ANKHD1: variants seen among roughly 807,000 people sequenced by gnomAD.
The protein encoded by ANKHD1 is ankyrin repeat and KH domain containing 1.
ANKHD1 carries 31 observed loss-of-function variants against 230.5 expected under a neutral mutation model. The ratio of observed to expected loss-of-function variants is 0.13; its 90% CI spans 0.10 to 0.18. ANKHD1 has a LOEUF of 0.18. ANKHD1 is among the 10% of genes least tolerant of loss of function. The probability of loss-of-function intolerance (pLI) is 1.00; values close to 1 mark genes in which losing one functional copy is unlikely to be tolerated. For missense variants in ANKHD1, 2,256 were observed against 3,071.3 expected, an observed-to-expected ratio of 0.73 and a Z score of 6.27; for synonymous variants, 1,074 against 1,117.6, an observed-to-expected ratio of 0.96 and a Z score of 0.78.
At chr5:140,513,329 T>C in intron 23 of ANKHD1, 34 bp from the exon 24 acceptor site, 1 of 1,569,082 alleles carries the variant, frequency 6.4e-7, no homozygotes, top group African/African-American at 1.4e-5. Context: ...GCCTCTTTCA[T>C]TATATATTTA....
intron 6 of ANKHD1, among the ~76,000 whole-genome samples, chr5:140,447,284 C>A (rs149815036): frequency 7.2e-5 from 11 of 151,876 alleles, no homozygotes; most frequent in Admixed American, 4.6e-4. Context: ...CTCACTGCAG[C>A]CTCAAACTCC....
intron 1 of ANKHD1, among the ~76,000 whole-genome samples, chr5:140,414,837 C>A (rs201477508): frequency 1.8e-3 from 250 of 138,670 alleles, no homozygotes; most frequent in Non-Finnish European, 1.7e-3. Flanking sequence ...GACCCTGTCT[C>A]AAAAAAAAAA....
intron 6 of ANKHD1, among the ~76,000 whole-genome samples, chr5:140,446,822 CAGTTTT>C (rs539664732): frequency 1.1e-3 from 167 of 152,176 alleles, no homozygotes; most frequent in African/African-American, 3.0e-3. Flanking sequence ...TATACTCTAA[CAGTTTT>C]ATAATCTACT....
intron 1 of ANKHD1, among the ~76,000 whole-genome samples, chr5:140,416,777 G>T (rs1046708074): frequency 5.3e-5 from 8 of 151,736 alleles, no homozygotes; most frequent in Non-Finnish European, 8.8e-5. Flanking sequence ...GAGGCACCAT[G>T]CCTAACCTGT....
chr5:140,498,951 A>G (rs1290812097), intron 15 of ANKHD1, among the ~76,000 whole-genome samples: 25 of 152,012 alleles, frequency 1.6e-4, no homozygotes, highest in Admixed American at 1.6e-3. Flanking sequence ...TTGTTAAATT[A>G]GTCTTTTACA....
chr5:140,419,772 CTT>C (rs1414436394), intron 1 of ANKHD1, among the ~76,000 whole-genome samples: 2 of 136,784 alleles, frequency 1.5e-5, no homozygotes, highest in African/African-American at 2.8e-5. Flanking sequence ...TCTTTCCTTT[CTT>C]TTTCTTTCTT....
Position 140,526,945 on chromosome 5 carries a change from C to G in ANKHD1, c.4958C>G (p.Thr1653Ser). Residue 1653 changes from threonine (T) to serine (S), a missense_variant, in exon 27 of 34, where the codon ACT becomes AGT. Physicochemically the swap from Thr to Ser is moderately conservative, Grantham distance 58. This residue lies in a region of ANKHD1 where 212 missense variants were observed against 257.3 expected (regional missense o/e 0.82). Coordinates refer to ENST00000360839, the MANE Select transcript of ANKHD1 (RefSeq NM_017747.3). ...KTQTRLEGEV[T>S]PNSLSTSYKT... is the part of the protein sequence containing the mutation. Reference sequence around the variant, plus strand: ...CTTCTTAGACTTGAAGGTGAAGTGACTCCTAATTCCTTGTCAACCAGCTAC... The same window carrying G: ...CTTCTTAGACTTGAAGGTGAAGTGAGTCCTAATTCCTTGTCAACCAGCTAC... 6.2e-7 allele frequency: 1 copy of G among 1,612,076 alleles called. No homozygotes were observed. The highest frequency in any genetic ancestry group is 8.5e-7 in the Non-Finnish European group (1 of 1,179,320).
Position 140,539,350 on chromosome 5 carries a change from C to T in ANKHD1, c.7570-9C>T. The T allele has an allele frequency of 6.2e-7, 1 of 1,612,790 alleles. No individual in the cohort carries two copies. Among genetic ancestry groups the T allele is most frequent in the East Asian group, 2.2e-5 (1 of 44,872 alleles). ...ATTAGAAATTCCAATTTTTCCTCCC[C>T]CTTTTCAGATTTGGCCTGGCACGTG... On this transcript the variant is annotated splice_polypyrimidine_tract_variant and intron_variant, in intron 33 of 33. Coordinates refer to ENST00000360839, the MANE Select transcript of ANKHD1 (RefSeq NM_017747.3).
intron 6 of ANKHD1, among the ~76,000 whole-genome samples, chr5:140,446,305 A>G (rs1774276118): frequency 6.6e-6 from 1 of 152,204 alleles, no homozygotes; most frequent in African/African-American, 2.4e-5. Flanking sequence ...AGTACATGCC[A>G]AAGTAATAAT....
chr5:140,499,492 G>A (rs894260532), intron 15 of ANKHD1, among the ~76,000 whole-genome samples: 1 of 152,088 alleles, frequency 6.6e-6, no homozygotes, highest in East Asian at 1.9e-4. Context: ...AATTTTAGAT[G>A]TATGATAACA....
intron 24 of ANKHD1, among the ~76,000 whole-genome samples, chr5:140,514,164 A>G (rs1752882174): frequency 2.0e-5 from 3 of 150,810 alleles, no homozygotes; most frequent in East Asian, 1.9e-4. Flanking sequence ...AGCCTAGGCA[A>G]CAGATCGAGA....
intron 7 of ANKHD1, among the ~76,000 whole-genome samples, chr5:140,453,870 C>T (rs1181265220): frequency 6.6e-6 from 1 of 152,122 alleles, no homozygotes; most frequent in African/African-American, 2.4e-5. Context: ...ACAATATTAA[C>T]CTTAAATGTA....
intron 10 of ANKHD1, among the ~76,000 whole-genome samples, chr5:140,468,009 T>A (rs1776214617): frequency 6.7e-6 from 1 of 148,910 alleles, no homozygotes; most frequent in Admixed American, 6.7e-5. Flanking sequence ...ATTCCTGGCA[T>A]CTCATAGATA....
At chr5:140,421,296 C>CTTTTTTTTTTT (rs35408466) in intron 1 of ANKHD1, among the ~76,000 whole-genome samples, 1 of 94,526 alleles carries the variant, frequency 1.1e-5, no homozygotes, top group African/African-American at 3.7e-5. Flanking sequence ...AGAGTTTTTA[C>CTTTTTTTTTTT]TTTTTTTTTT....
chr5:140,406,497 C>A (rs550291322), intron 1 of ANKHD1, among the ~76,000 whole-genome samples: 1 of 151,940 alleles, frequency 6.6e-6, no homozygotes, highest in East Asian at 1.9e-4. Context: ...AAACAAGCTA[C>A]TCTTTCTTGC....
At chr5:140,479,074 C>T (rs1229797458) in intron 10 of ANKHD1, among the ~76,000 whole-genome samples, 1 of 151,800 alleles carries the variant, frequency 6.6e-6, no homozygotes, top group African/African-American at 2.4e-5. Context: ...TCTTGGCTCG[C>T]TGCAAGCTCC....
chr5:140,461,561 C>T (rs1775707161), intron 9 of ANKHD1, among the ~76,000 whole-genome samples: 1 of 152,098 alleles, frequency 6.6e-6, no homozygotes, highest in Non-Finnish European at 1.5e-5. Context: ...TATTTGAGAT[C>T]CTAAGAATCC....
Position 140,438,606 on chromosome 5 carries a change from A to G in ANKHD1, c.606A>G (p.Gly202=), listed in dbSNP as rs1773625871. ...AAGCAGAAAACAGCCACAATGCAGG[A>G]CAAGTGGACACGTATGTGTTTAATG... is the stretch of plus-strand genomic sequence containing the variant. ...RMKAENSHNA[G]QVDTRSLAEA... is the part of the protein sequence containing the mutation. The change falls in exon 3 of 34, where the codon GGA becomes GGG. Residue 202 remains glycine, a synonymous_variant. Transcript: ENST00000360839. 1 of 1,599,272 alleles carries G rather than the reference A, an allele frequency of 6.3e-7. No individual in the cohort carries two copies. The highest frequency in any genetic ancestry group is 1.3e-5 in the African/African-American group (1 of 74,632).
At chr5:140,500,588 C>T (rs903949836) in intron 15 of ANKHD1, among the ~76,000 whole-genome samples, 1 of 140,736 alleles carries the variant, frequency 7.1e-6, no homozygotes, top group Non-Finnish European at 1.5e-5. Context: ...GCGGAGGTTG[C>T]AGTCAGCCAA....
Sources: allele counts gnomAD v4.1 joint callset (sites outside exome capture counted in the v4.1 genomes callset), GRCh38; gene constraint gnomAD v4.1.1; regional missense constraint gnomAD v4.1.1; transcripts MANE v1.5; gene names NCBI Gene and HGNC (gene_info 2026-07-23, HGNC 2026-07-21).